Variants in ATP9A observed in about 807,000 individuals in gnomAD.
ATP9A encodes ATPase phospholipid transporting 9A.
Under a neutral mutation model 144.1 loss-of-function variants are expected in ATP9A, and 52 were observed. The ratio of observed to expected loss-of-function variants is 0.36; its 90% CI spans 0.29 to 0.45. The LOEUF (loss-of-function observed/expected upper bound fraction) is 0.45. ATP9A is among the 20% of genes least tolerant of loss of function. The pLI, the probability that ATP9A is intolerant of heterozygous loss-of-function variation, is 1.00. For synonymous variants in ATP9A, 582 were observed against 557.4 expected (o/e 1.04, Z -0.62); for missense variants, 947 against 1,392.7 (o/e 0.68, Z 5.09).
intron 9 of ATP9A, among the ~76,000 whole-genome samples, chr20:51,680,260 G>A (rs980804203): frequency 2.7e-5 from 4 of 150,060 alleles, no homozygotes; most frequent in African/African-American, 9.8e-5. Flanking sequence ...GTGGCAAGGT[G>A]CACATAGTGT....
At chr20:51,616,200 A>G (rs1787964600) in intron 22 of ATP9A, among the ~76,000 whole-genome samples, 1 of 152,218 alleles carries the variant, frequency 6.6e-6, no homozygotes, top group South Asian at 2.1e-4. Context: ...AAAGGGTGGT[A>G]AAGAGGGGGA....
intron 1 of ATP9A, among the ~76,000 whole-genome samples, chr20:51,731,536 T>A (rs941576341): frequency 2.0e-5 from 3 of 151,764 alleles, no homozygotes; most frequent in Non-Finnish European, 4.4e-5. Flanking sequence ...CTGGCCAACA[T>A]GGTGAAACCC....
At chr20:51,638,096 T>C (rs1212264605) in intron 15 of ATP9A, among the ~76,000 whole-genome samples, 1 of 63,840 alleles carries the variant, frequency 1.6e-5, no homozygotes, top group Non-Finnish European at 3.3e-5. Flanking sequence ...TATATATATA[T>C]ATATATATAT....
intron 15 of ATP9A, among the ~76,000 whole-genome samples, 158 bp downstream of exon 15, chr20:51,639,185 G>A (rs2077307961): frequency 6.6e-6 from 1 of 152,106 alleles, no homozygotes; most frequent in African/African-American, 2.4e-5. Flanking sequence ...TCCAATGAAT[G>A]AACTAATTTC....
chr20:51,614,771 G>C (rs1351245279), intron 22 of ATP9A, among the ~76,000 whole-genome samples: 2 of 152,108 alleles, frequency 1.3e-5, no homozygotes, highest in Non-Finnish European at 2.9e-5. Context: ...TGTGTGCCGT[G>C]AGACACTACA....
intron 27 of ATP9A, among the ~76,000 whole-genome samples, chr20:51,601,563 T>TCTGTAGCTTC (rs2077143264): frequency 6.6e-6 from 1 of 152,184 alleles, no homozygotes; most frequent in African/African-American, 2.4e-5. Context: ...CGCTCTCTCT[T>TCTGTAGCTTC]CTGTAGCTTC....
chr20:51,725,569 T>C (rs2077708654), intron 3 of ATP9A, among the ~76,000 whole-genome samples: 1 of 152,210 alleles, frequency 6.6e-6, no homozygotes, highest in Admixed American at 6.5e-5. Flanking sequence ...TAAATCCTTG[T>C]TGAGATAATG....
intron 3 of ATP9A, among the ~76,000 whole-genome samples, chr20:51,718,073 A>C (rs6126317): frequency 0.29 from 44,034 of 152,034 alleles, 6,535 homozygotes; most frequent in East Asian, 0.48. Flanking sequence ...TCTGTACCCC[A>C]AGACATTGCA....
At chr20:51,768,264 G>T in intron 1 of ATP9A, 38 bp downstream of exon 1, 1 of 1,222,420 alleles carries the variant, frequency 8.2e-7, no homozygotes. Flanking sequence ...GCTCCGGGAG[G>T]CGCGGACAAA....
intron 9 of ATP9A, among the ~76,000 whole-genome samples, chr20:51,685,017 T>TAAAAAAA (rs11325921): frequency 2.9e-5 from 4 of 139,866 alleles, no homozygotes; most frequent in Admixed American, 7.4e-5. Context: ...TCTCCAAAAA[T>TAAAAAAA]AAAAAAAAAA....
At chr20:51,679,614 C>A (rs2077491704) in intron 9 of ATP9A, among the ~76,000 whole-genome samples, 1 of 152,162 alleles carries the variant, frequency 6.6e-6, no homozygotes, top group South Asian at 2.1e-4. Context: ...TCAAGGTTCT[C>A]TTCACTCCCA....
intron 7 of ATP9A, among the ~76,000 whole-genome samples, chr20:51,691,528 C>A (rs1203888757): frequency 6.6e-6 from 1 of 152,178 alleles, no homozygotes; most frequent in Non-Finnish European, 1.5e-5. Context: ...TCTGTATAAA[C>A]CTCTGGGAAG....
intron 1 of ATP9A, among the ~76,000 whole-genome samples, chr20:51,752,004 T>G (rs1414380664): frequency 1.3e-5 from 2 of 151,570 alleles, no homozygotes; most frequent in Admixed American, 1.3e-4. Flanking sequence ...ACGAGGGCAC[T>G]GCTCTCACAG....
At chr20:51,737,283 G>C (rs1263265752) in intron 1 of ATP9A, among the ~76,000 whole-genome samples, 1 of 152,170 alleles carries the variant, frequency 6.6e-6, no homozygotes, top group Non-Finnish European at 1.5e-5. Flanking sequence ...AAGAGTGACT[G>C]TTCGGTCCAT....
intron 1 of ATP9A, among the ~76,000 whole-genome samples, chr20:51,742,839 T>C (rs1333849076): frequency 1.3e-5 from 2 of 152,162 alleles, no homozygotes; most frequent in Non-Finnish European, 2.9e-5. Context: ...TGCTGAGAAG[T>C]TAGCAAGTGT....
At chr20:51,730,208 C>G (rs1447242716) in intron 1 of ATP9A, among the ~76,000 whole-genome samples, 1 of 152,132 alleles carries the variant, frequency 6.6e-6, no homozygotes, top group East Asian at 1.9e-4. Context: ...GTGGCTCACA[C>G]CTGTAATCCC....
chr20:51,641,761 G>A (rs1029200229), intron 14 of ATP9A, among the ~76,000 whole-genome samples: 3 of 150,234 alleles, frequency 2.0e-5, no homozygotes, highest in African/African-American at 7.3e-5. Context: ...AACCCAGGAG[G>A]CAGAGGTTGC....
chr20:51,764,782 T>C (rs889329925), intron 1 of ATP9A, among the ~76,000 whole-genome samples: 2 of 151,874 alleles, frequency 1.3e-5, no homozygotes, highest in African/African-American at 4.8e-5. Context: ...AGTGCAGTGG[T>C]ACAATCCTGA....
At chr20:51,648,267 G>A (rs73910801) in intron 14 of ATP9A, among the ~76,000 whole-genome samples, 66 of 152,248 alleles carry the variant, frequency 4.3e-4, no homozygotes, top group African/African-American at 1.5e-3. Flanking sequence ...GAAGGACCGC[G>A]AGATTGCCTG....
Sources: gnomAD v4.1 joint callset for allele counts (sites outside exome capture counted in the v4.1 genomes callset) on GRCh38, gnomAD v4.1.1 for gene constraint, MANE v1.5 for transcripts, NCBI Gene and HGNC (gene_info 2026-07-23, HGNC 2026-07-21) for gene names.